COL26A1: variants seen among roughly 807,000 people sequenced by gnomAD.
The protein encoded by COL26A1 is collagen type XXVI alpha 1 chain.
A neutral mutation model predicts 59.3 loss-of-function variants in COL26A1; 41 were observed. The ratio of observed to expected loss-of-function variants is 0.69; its 90% CI spans 0.54 to 0.90. COL26A1 has a LOEUF of 0.90. COL26A1 is among the 40% of genes least tolerant of loss of function. The pLI, the probability that COL26A1 is intolerant of heterozygous loss-of-function variation, is 0.00. For synonymous variants in COL26A1, 266 were observed against 256.0 expected, an observed-to-expected ratio of 1.04 and a Z score of -0.37; for missense variants, 612 against 602.3, an observed-to-expected ratio of 1.02 and a Z score of -0.17.
At chr7:101,510,400 TGTG>T in intron 3 of COL26A1, among the ~76,000 whole-genome samples, 1 of 152,176 alleles carries the variant, frequency 6.6e-6, no homozygotes, top group South Asian at 2.1e-4. Flanking sequence ...TTCCGTTCAC[TGTG>T]ATAAAAGTCC....
chr7:101,492,698 A>AT (rs1448609303), intron 3 of COL26A1, among the ~76,000 whole-genome samples: 8 of 129,622 alleles, frequency 6.2e-5, no homozygotes, highest in Non-Finnish European at 8.0e-5. Context: ...CTCTGTCTCA[A>AT]AAAATAAATA....
intron 1 of COL26A1, among the ~76,000 whole-genome samples, chr7:101,391,555 T>C (rs1935080866): frequency 6.6e-6 from 1 of 152,300 alleles, no homozygotes; most frequent in African/African-American, 2.4e-5. Flanking sequence ...ATTTGGACCC[T>C]ATTTTTATTA....
intron 1 of COL26A1, among the ~76,000 whole-genome samples, chr7:101,392,576 A>G (rs1791759569): frequency 6.6e-6 from 1 of 151,352 alleles, no homozygotes; most frequent in Admixed American, 6.6e-5. Context: ...TAATTTTTGT[A>G]TTTTTAGTAG....
chr7:101,387,770 A>T (rs1429578181), intron 1 of COL26A1, among the ~76,000 whole-genome samples: 2,550 of 35,842 alleles, frequency 0.071, 80 homozygotes, highest in Non-Finnish European at 0.089. Flanking sequence ...ATATATATAT[A>T]TATATATATT....
At chr7:101,539,158 C>G (rs888207385) in intron 4 of COL26A1, among the ~76,000 whole-genome samples, 1 of 152,198 alleles carries the variant, frequency 6.6e-6, no homozygotes, top group Non-Finnish European at 1.5e-5. Flanking sequence ...AGGCTGGTCC[C>G]AAGCAATCGT....
intron 2 of COL26A1, among the ~76,000 whole-genome samples, chr7:101,444,878 C>T (rs1793149491): frequency 6.6e-6 from 1 of 151,794 alleles, no homozygotes; most frequent in Non-Finnish European, 1.5e-5. Flanking sequence ...GAGTCTCACT[C>T]TTTCACACAG....
intron 2 of COL26A1, among the ~76,000 whole-genome samples, chr7:101,442,926 T>C (rs1343904242): frequency 1.4e-5 from 2 of 147,114 alleles, no homozygotes; most frequent in Non-Finnish European, 3.1e-5. Context: ...AGAGAGCAAA[T>C]GAGTGTGTGA....
chr7:101,454,615 TG>T (rs559254437), intron 3 of COL26A1, among the ~76,000 whole-genome samples: 58 of 152,226 alleles, frequency 3.8e-4, no homozygotes, highest in Non-Finnish European at 6.2e-4. Context: ...TCTGCCTTTT[TG>T]GGGGTGGTTT....
chr7:101,388,051 A>G (rs1022588880), intron 1 of COL26A1, among the ~76,000 whole-genome samples: 3 of 145,806 alleles, frequency 2.1e-5, no homozygotes, highest in African/African-American at 7.4e-5. Flanking sequence ...GGCGTGAGCC[A>G]CTGCGCCCTG....
intron 5 of COL26A1, among the ~76,000 whole-genome samples, chr7:101,540,800 C>T (rs530110627): frequency 2.5e-4 from 38 of 152,158 alleles, no homozygotes; most frequent in South Asian, 4.1e-4. Flanking sequence ...CAAGATCATG[C>T]CACTGCAATC....
chr7:101,537,260 G>A (rs1298927751), intron 4 of COL26A1, among the ~76,000 whole-genome samples: 4 of 152,152 alleles, frequency 2.6e-5, no homozygotes, highest in African/African-American at 7.2e-5. Context: ...GCAGGGTACC[G>A]GGGAAGATTC....
At chr7:101,439,724 G>C (rs867597024) in intron 2 of COL26A1, among the ~76,000 whole-genome samples, 1 of 152,066 alleles carries the variant, frequency 6.6e-6, no homozygotes, top group African/African-American at 2.4e-5. Context: ...TGGATGGATG[G>C]GGCTGCTCCA....
At chr7:101,364,799 G>A (rs565136968) in intron 1 of COL26A1, among the ~76,000 whole-genome samples, 67 of 152,194 alleles carry the variant, frequency 4.4e-4, no homozygotes, top group Non-Finnish European at 7.6e-4. Context: ...CAAACTTCTG[G>A]CCTCAAGAGA....
At chr7:101,400,005 C>T (rs1183607814) in intron 1 of COL26A1, among the ~76,000 whole-genome samples, 3 of 152,042 alleles carry the variant, frequency 2.0e-5, no homozygotes, top group South Asian at 2.1e-4. Flanking sequence ...CAGTCATGTC[C>T]GGGGGTGGTA....
At chr7:101,501,863 G>A (rs73411625) in intron 3 of COL26A1, among the ~76,000 whole-genome samples, 28,332 of 152,162 alleles carry the variant, frequency 0.19, 5,834 homozygotes, top group African/African-American at 0.51. Context: ...GTTTGTGTGC[G>A]TGTGTGTGCA....
At position 101,385,367 on chromosome 7, in the gene COL26A1, G is replaced by GTATATATA. The variant is rs373941775; in HGVS notation, c.158+22189_158+22196dup. 1.3e-3 allele frequency among the ~76,000 whole-genome samples: 184 copies of GTATATATA among 137,034 alleles called. 2 individuals carry two copies. The highest frequency in any genetic ancestry group is 4.4e-3 in the African/African-American group (172 of 39,408). 89.9% of individuals were successfully genotyped at this position (137,034 alleles called of 152,430 possible). On this transcript the variant is annotated intron_variant, in intron 1 of 12. Coordinates refer to ENST00000313669, the MANE Select transcript of COL26A1 (RefSeq NM_001278563.3). Reference sequence around the variant, plus strand: ...TATATATATGTGTATATATATGTGTGTATATATATATATATATATTTGTGA... The same window carrying GTATATATA: ...TATATATATGTGTATATATATGTGTGTATATATATATATATATATATATATATTTGTGA...
chr7:101,412,884 C>T (rs1473872343), intron 1 of COL26A1, among the ~76,000 whole-genome samples: 1 of 152,100 alleles, frequency 6.6e-6, no homozygotes, highest in African/African-American at 2.4e-5. Context: ...CTCCCCTGTC[C>T]CGTGTCACCA....
At chr7:101,472,312 C>A (rs1375972318) in intron 3 of COL26A1, among the ~76,000 whole-genome samples, 3 of 152,154 alleles carry the variant, frequency 2.0e-5, no homozygotes, top group Non-Finnish European at 4.4e-5. Context: ...AGCCTTGAAA[C>A]TTATTTTTAA....
intron 3 of COL26A1, among the ~76,000 whole-genome samples, chr7:101,497,511 CAAAA>C (rs1013510627): frequency 6.6e-6 from 1 of 151,034 alleles, no homozygotes; most frequent in Non-Finnish European, 1.5e-5. Context: ...CCCGTCTCTA[CAAAA>C]AATACAAAAA....
Sources: allele counts gnomAD v4.1 joint callset (sites outside exome capture counted in the v4.1 genomes callset), GRCh38; gene constraint gnomAD v4.1.1; transcripts MANE v1.5; gene names NCBI Gene and HGNC (gene_info 2026-07-23, HGNC 2026-07-21).